The following RELB variants were observed in gnomAD, a reference collection of about 807,000 sequenced individuals.
The protein encoded by RELB is RELB proto-oncogene, NF-kB subunit, also known as transcription factor RelB.
RELB carries 14 observed loss-of-function variants against 55.4 expected under a neutral mutation model. The ratio of observed to expected loss-of-function variants is 0.25; its 90% confidence interval spans 0.17 to 0.40. The LOEUF (loss-of-function observed/expected upper bound fraction) is 0.40. Among genes scored for constraint, RELB ranks in the 10% least tolerant of loss-of-function variants. The pLI is 1.00. For synonymous variants in RELB, 409 were observed against 371.3 expected (o/e 1.10, Z -1.17); for missense variants, 669 against 830.7 (o/e 0.81, Z 2.39).
intron 4 of RELB, among the ~76,000 whole-genome samples, chr19:45,021,001 T>C (rs1971478830): frequency 6.6e-6 from 1 of 152,034 alleles, no homozygotes; most frequent in African/African-American, 2.4e-5. Flanking sequence ...GTAGCGAAAC[T>C]CCGTCTCTAC....
In RELB at chr19:45,001,685, G is replaced by A. The variant is rs1002682627; in HGVS notation, c.106G>A (p.Gly36Arg). The A allele has an allele frequency of 7.5e-5, 114 of 1,519,178 alleles. No homozygotes were observed. Among genetic ancestry groups the A allele is most frequent in the Non-Finnish European group, 9.6e-5 (109 of 1,138,540 alleles). 94.1% of individuals were successfully genotyped at this position (1,519,178 alleles called of 1,614,324 possible). The change falls in exon 1 of 12, where the codon GGG becomes AGG. Residue 36 changes from glycine (G) to arginine (R), a missense_variant and splice_region_variant. Physicochemically the swap from Gly to Arg is moderately radical, Grantham distance 125 (BLOSUM62 -2). Coordinates refer to ENST00000221452, the MANE Select transcript of RELB (RefSeq NM_006509.4). ...PPAAPELGAL[G>R]SPDLSSLSLA... is the part of the protein sequence containing the mutation. ...GGCTGCGCCGGAGCTGGGGGCCTTA[G>A]GTAAGCGGGGCTGGGGTTCAGGAGA... is the stretch of plus-strand genomic sequence containing the variant.
rs1313350774 is a variant in RELB at position 45,021,857 on chromosome 19, G to A, written c.505-196G>A. On this transcript the variant is annotated intron_variant, in intron 4 of 11. Transcript: ENST00000221452. ...TCCAACGTGCTGGGATTGCAGGCGT[G>A]AGCCACCTCGCCCGGCCCAAAGTGG... 2.2e-5 allele frequency: 11 copies of A among 506,174 alleles called. No individual in the cohort carries two copies. The Admixed American group carries it at 2.6e-4, about 12-fold the overall frequency. 31.4% of individuals were successfully genotyped at this position (506,174 alleles called of 1,614,324 possible). A position where few individuals can be genotyped will look rare whatever the true frequency, so the allele number is the denominator to read the frequency against.
chr19:45,026,068 A>G (rs1009899966), intron 7 of RELB, among the ~76,000 whole-genome samples: 1 of 152,180 alleles, frequency 6.6e-6, no homozygotes, highest in African/African-American at 2.4e-5. Flanking sequence ...ACATGCCAAA[A>G]CCCTGTCTAC....
intron 2 of RELB, among the ~76,000 whole-genome samples, chr19:45,004,666 T>C (rs973042655): frequency 9.3e-5 from 14 of 150,658 alleles, no homozygotes; most frequent in Admixed American, 9.3e-4. Flanking sequence ...TCGGGAGTTC[T>C]AGACCAGGCT....
chr19:45,001,622 G>A lies in RELB; in HGVS notation c.43G>A (p.Gly15Ser). Reference sequence around the variant, plus strand: ...AGCCTCTGGGCCGTCCGTCCCCACTGGCCGGGCCATGCCGAGTCGCCGCGT... The same window carrying A: ...AGCCTCTGGGCCGTCCGTCCCCACTAGCCGGGCCATGCCGAGTCGCCGCGT... ...GPASGPSVPT[G>S]RAMPSRRVAR... is the part of the protein sequence containing the mutation. The change falls in exon 1 of 12, where the codon GGC becomes AGC. Residue 15 changes from glycine (G) to serine (S), a missense_variant. This residue lies in a region of RELB where 323 missense variants were observed against 368.5 expected (regional missense o/e 0.88). Coordinates refer to ENST00000221452, the MANE Select transcript of RELB (RefSeq NM_006509.4). 3.9e-6 allele frequency: 6 copies of A among 1,522,462 alleles called. No individual in the cohort carries two copies. Among genetic ancestry groups the A allele is most frequent in the Non-Finnish European group, 5.3e-6 (6 of 1,141,444 alleles). The allele number at this position is 1,522,462 out of a possible 1,614,324, so 94.3% of individuals were successfully genotyped here. A position where few individuals can be genotyped will look rare whatever the true frequency, so the allele number is the denominator to read the frequency against.
At chr19:45,033,088 G>A (rs1227091580) in intron 9 of RELB, among the ~76,000 whole-genome samples, 1 of 152,156 alleles carries the variant, frequency 6.6e-6, no homozygotes, top group Non-Finnish European at 1.5e-5. Context: ...GTCCTCATGA[G>A]GCTTATAGTC....
chr19:45,018,456 C>G (rs1418830521), intron 4 of RELB, among the ~76,000 whole-genome samples: 1 of 132,698 alleles, frequency 7.5e-6, no homozygotes, highest in Non-Finnish European at 1.6e-5. Context: ...TGGTGGCAGG[C>G]ACCTGTAATC....
intron 4 of RELB, among the ~76,000 whole-genome samples, chr19:45,014,903 ATT>A (rs11289208): frequency 4.1e-3 from 534 of 130,732 alleles, no homozygotes; most frequent in African/African-American, 8.3e-3. Context: ...TGGATTCAGG[ATT>A]TTTTTTTTTT....
At chr19:45,031,083 C>G (rs1486941387) in intron 8 of RELB, among the ~76,000 whole-genome samples, 1 of 152,142 alleles carries the variant, frequency 6.6e-6, no homozygotes, top group African/African-American at 2.4e-5. Context: ...CATGGAGGTA[C>G]TGTGATGACG....
intron 2 of RELB, among the ~76,000 whole-genome samples, chr19:45,006,396 G>C (rs955761325): frequency 6.6e-6 from 1 of 151,828 alleles, no homozygotes; most frequent in African/African-American, 2.4e-5. Flanking sequence ...GAGAAACGGG[G>C]TTTCACCACG....
Position 45,037,555 on chromosome 19 carries a change from TG to T in RELB, c.1507del (p.Asp503ThrfsTer32). On this transcript the variant is annotated frameshift_variant, in exon 12 of 12. Transcript: ENST00000221452. LOFTEE classifies it low-confidence loss of function (END_TRUNC). ...DPTAPTLFTM[L>X]DLLPPAPPHA... ...ACGGCCCCCACACTCTTCACCATGC[TG>T]GACCTGCTGCCCCCGGCACCGCCAC... 6.2e-7 allele frequency: 1 copy of T among 1,613,094 alleles called. No individual in the cohort carries two copies. Among genetic ancestry groups the T allele is most frequent in the Non-Finnish European group, 8.5e-7 (1 of 1,179,556 alleles).
intron 3 of RELB, among the ~76,000 whole-genome samples, chr19:45,010,681 T>C (rs559435571): frequency 1.3e-5 from 2 of 152,206 alleles, no homozygotes; most frequent in East Asian, 3.9e-4. Flanking sequence ...TATTTATTTA[T>C]TTAAGTTATT....
rs567810056 is a variant in RELB, at chr19:45,024,188, G to GTCTC, written c.663-1140_663-1137dup. ...ATTTATTTATTTATTTTGAGACGGAGTCTCGCTTTGTCGCCCAGGCTGGAG... is the reference window on the plus strand; with the variant it reads ...ATTTATTTATTTATTTTGAGACGGAGTCTCTCTCGCTTTGTCGCCCAGGCTGGAG... On this transcript the variant is annotated intron_variant, in intron 5 of 11. Transcript: ENST00000221452. Among the ~76,000 whole-genome samples the GTCTC allele has an allele frequency of 9.6e-4, 145 of 151,324 alleles. 1 individual carries two copies. Among genetic ancestry groups the GTCTC allele is most frequent in the Middle Eastern group, 3.4e-3 (1 of 292 alleles).
In RELB at chr19:45,034,274, G is replaced by C; in HGVS notation, c.1238G>C (p.Arg413Pro). Residue 413 changes from arginine (R) to proline (P), a missense_variant, in exon 10 of 12, where the codon CGG becomes CCG. Arg to Pro is a moderately radical substitution (Grantham distance 103, BLOSUM62 -2). Around this residue, in one of 3 missense-constraint regions of RELB, gnomAD observed 341 missense variants for 436.8 expected, o/e 0.78. Coordinates refer to ENST00000221452, the MANE Select transcript of RELB (RefSeq NM_006509.4). ...TACGGCGTGGACAAGAAGCGGAAAC[G>C]GGGGATGCCCGACGTCCTTGGGGAG... ...DSYGVDKKRK[R>P]GMPDVLGELN... 6.2e-7 allele frequency: 1 copy of C among 1,613,934 alleles called. No homozygotes were observed. The highest frequency in any genetic ancestry group is 8.5e-7 in the Non-Finnish European group (1 of 1,179,822).
chr19:45,020,859 G>T (rs1245310919), intron 4 of RELB, among the ~76,000 whole-genome samples: 1 of 152,044 alleles, frequency 6.6e-6, no homozygotes, highest in Non-Finnish European at 1.5e-5. Context: ...ACCCGGCCAT[G>T]GCACCCATCT....
chr19:45,033,014 C>T (rs1295643767), intron 9 of RELB, among the ~76,000 whole-genome samples: 3 of 152,162 alleles, frequency 2.0e-5, no homozygotes, highest in Non-Finnish European at 4.4e-5. Flanking sequence ...GCATCCTGCA[C>T]ATGCCCGGGC....
At chr19:45,024,093 G>A (rs540243895) in intron 5 of RELB, among the ~76,000 whole-genome samples, 14 of 150,784 alleles carry the variant, frequency 9.3e-5, no homozygotes, top group African/African-American at 3.4e-4. Flanking sequence ...CACCCGCCTC[G>A]GCCTCCCAAA....
intron 3 of RELB, among the ~76,000 whole-genome samples, chr19:45,011,679 T>G (rs1286969461): frequency 6.6e-6 from 1 of 150,420 alleles, no homozygotes; most frequent in African/African-American, 2.5e-5. Flanking sequence ...ACTCCTGACC[T>G]CAATTGATTC....
intron 3 of RELB, 141 bp from the exon 4 acceptor site, chr19:45,011,795 T>TGAGAGAGA (rs1264803219): frequency 4.5e-5 from 9 of 199,830 alleles, no homozygotes; most frequent in East Asian, 8.5e-5. Context: ...TGTGTGTGTG[T>TGAGAGAGA]GTGAGAGAGA....
Sources: allele counts gnomAD v4.1 joint callset (sites outside exome capture counted in the v4.1 genomes callset), GRCh38; gene constraint gnomAD v4.1.1; regional missense constraint gnomAD v4.1.1; transcripts MANE v1.5; gene names NCBI Gene and HGNC (gene_info 2026-07-23, HGNC 2026-07-21).